The following CCDC18 variants were observed in gnomAD, a reference collection of about 807,000 sequenced individuals.
CCDC18 encodes coiled-coil domain-containing protein 18.
A neutral mutation model predicts 196.0 loss-of-function variants in CCDC18; 157 were observed. That is an observed-to-expected ratio of 0.80 (90% CI 0.70 to 0.91). The LOEUF (loss-of-function observed/expected upper bound fraction) is 0.91. Ranked by LOEUF, CCDC18 falls within the 40% of genes least tolerant of loss-of-function variation. CCDC18 has a pLI of 0.00. For synonymous variants in CCDC18, 482 were observed against 529.2 expected (o/e 0.91, Z 1.22); for missense variants, 1,465 against 1,611.6 (o/e 0.91, Z 1.56).
chr1:93,256,456 G>A lies in CCDC18; in HGVS notation c.3464G>A (p.Arg1155His), dbSNP rs771005543. 6.8e-6 allele frequency: 11 copies of A among 1,613,890 alleles called. No individual in the cohort carries two copies. Among genetic ancestry groups the A allele is most frequent in the Admixed American group, 3.3e-5 (2 of 59,986 alleles). ...TCTCATACAGAATTGGCAGAGGCTC[G>A]TCATCAGCAAGTCCAAGCACAGAGA... ...QNSHTELAEA[R>H]HQQVQAQREI... is the part of the protein sequence containing the mutation. The change falls in exon 25 of 29, where the codon CGT becomes CAT. Residue 1155 changes from arginine (R) to histidine (H), a missense_variant. Transcript: ENST00000690025.
chr1:93,246,199 G>A lies in CCDC18; in HGVS notation c.3076G>A (p.Ala1026Thr), dbSNP rs777931784. The A allele has an allele frequency of 1.3e-6, 2 of 1,594,806 alleles. No individual in the cohort carries two copies. The highest frequency in any genetic ancestry group is 1.7e-5 in the Admixed American group (1 of 57,238). ...AAATTGGGAACTAAAGCAAAGAGCA[G>A]CTCAGGTTGATTTTTCTTGATTATA... The part of the protein sequence containing the change: ...ERNWELKQRA[A>T]QVTHLDMTIR... The change falls in exon 22 of 29, where the codon GCT becomes ACT. Residue 1026 changes from alanine to threonine, a missense_variant. Ala to Thr is a moderately conservative substitution (Grantham distance 58). Coordinates refer to ENST00000690025, the MANE Select transcript of CCDC18 (RefSeq NM_001378204.1).
chr1:93,254,089 CA>C (rs1394315668), intron 23 of CCDC18, among the ~76,000 whole-genome samples: 1 of 151,814 alleles, frequency 6.6e-6, no homozygotes, highest in African/African-American at 2.4e-5. Flanking sequence ...TAAGCTAAAA[CA>C]AAAACAAAAA....
chr1:93,242,333 G>GAGAAA (rs1185112080), intron 21 of CCDC18, among the ~76,000 whole-genome samples: 1 of 151,980 alleles, frequency 6.6e-6, no homozygotes, highest in Admixed American at 6.6e-5. Context: ...TGGCAGACAA[G>GAGAAA]AGAGCTTGCG....
At chr1:93,251,162 T>C (rs1437467117) in intron 23 of CCDC18, among the ~76,000 whole-genome samples, 1 of 152,200 alleles carries the variant, frequency 6.6e-6, no homozygotes, top group African/African-American at 2.4e-5. Context: ...AACATCCTAT[T>C]GTTATAACAA....
intron 21 of CCDC18, among the ~76,000 whole-genome samples, chr1:93,241,350 C>T (rs554980287): frequency 1.1e-4 from 16 of 152,214 alleles, no homozygotes; most frequent in Admixed American, 3.3e-4. Context: ...GCTGTGGCTT[C>T]CTAGCTGGGC....
At chr1:93,214,578 ATTAC>A (rs1190730705) in intron 11 of CCDC18, among the ~76,000 whole-genome samples, 161 bp from the exon 12 acceptor site, 1 of 152,194 alleles carries the variant, frequency 6.6e-6, no homozygotes, top group Non-Finnish European at 1.5e-5. Flanking sequence ...TAGAGAGCAC[ATTAC>A]TTATTCTTTG....
chr1:93,198,582 ACTC>A, intron 6 of CCDC18, among the ~76,000 whole-genome samples: 1 of 152,158 alleles, frequency 6.6e-6, no homozygotes, highest in Non-Finnish European at 1.5e-5. Flanking sequence ...TCTGTACTTT[ACTC>A]AATAAAAAAT....
chr1:93,252,616 T>C (rs1662412827), intron 23 of CCDC18, among the ~76,000 whole-genome samples: 2 of 152,238 alleles, frequency 1.3e-5, no homozygotes, highest in African/African-American at 4.8e-5. Flanking sequence ...TCAGGGTTAC[T>C]CTCTGGTGCC....
chr1:93,210,045 A>T (rs9324347), intron 9 of CCDC18, among the ~76,000 whole-genome samples: 13,579 of 152,208 alleles, frequency 0.089, 1,995 homozygotes, highest in African/African-American at 0.31. Context: ...TGACAGAGTG[A>T]GACCCTGTCT....
chr1:93,258,928 A>C, intron 26 of CCDC18, 43 bp downstream of exon 26: 2 of 1,531,680 alleles, frequency 1.3e-6, no homozygotes, highest in Non-Finnish European at 1.8e-6. Context: ...CCACTAAAGT[A>C]GGTTGACCTA....
chr1:93,183,532 C>T, intron 2 of CCDC18, 37 bp downstream of exon 2: 2 of 1,431,648 alleles, frequency 1.4e-6, no homozygotes, highest in South Asian at 1.5e-5. Flanking sequence ...TTCACTGTGC[C>T]TTAAATACAT....
intron 4 of CCDC18, chr1:93,190,997 T>C: frequency 9.8e-7 from 1 of 1,022,250 alleles, no homozygotes; most frequent in Non-Finnish European, 1.5e-6. Flanking sequence ...TGTGTCACTT[T>C]CTAGGGTTGG....
At chr1:93,184,175 A>G (rs6682670) in intron 3 of CCDC18, 29 bp downstream of exon 3, 825,527 of 1,316,186 alleles carry the variant, frequency 0.63, 266,841 homozygotes, top group South Asian at 0.67. Context: ...ATCTAGTTAA[A>G]AGAAGTTTTG....
intron 23 of CCDC18, among the ~76,000 whole-genome samples, chr1:93,250,265 C>T (rs1162254006): frequency 2.0e-5 from 3 of 151,194 alleles, no homozygotes; most frequent in Non-Finnish European, 2.9e-5. Flanking sequence ...CTTGTACTCC[C>T]AGCTACTTGG....
intron 6 of CCDC18, among the ~76,000 whole-genome samples, chr1:93,201,657 C>A (rs948782526): frequency 7.1e-6 from 1 of 140,236 alleles, no homozygotes; most frequent in Admixed American, 7.5e-5. Context: ...ATATATATTT[C>A]GACATTTATG....
chr1:93,186,248 G>A (rs1461174464), intron 3 of CCDC18, 97 bp from the exon 4 acceptor site: 13 of 1,151,426 alleles, frequency 1.1e-5, no homozygotes, highest in African/African-American at 4.7e-5. Flanking sequence ...GAGCTGCTTC[G>A]TCATTTTGTT....
At chr1:93,208,769 C>T (rs1039685169) in intron 9 of CCDC18, among the ~76,000 whole-genome samples, 9 of 152,042 alleles carry the variant, frequency 5.9e-5, no homozygotes, top group Admixed American at 2.0e-4. Flanking sequence ...CGGATTCAAG[C>T]GATTTTCCTG....
At chr1:93,205,703 T>A in intron 8 of CCDC18, 72 bp downstream of exon 8, 1 of 1,335,810 alleles carries the variant, frequency 7.5e-7, no homozygotes, top group South Asian at 1.3e-5. Context: ...TAAAACACAA[T>A]ATTTTATTGT....
At chr1:93,181,065 T>G (rs1192162097) in intron 1 of CCDC18, among the ~76,000 whole-genome samples, 1 of 151,136 alleles carries the variant, frequency 6.6e-6, no homozygotes, top group African/African-American at 2.4e-5. Flanking sequence ...GCCTGTTACC[T>G]CAGCACTTTG....
Sources: allele counts gnomAD v4.1 joint callset (sites outside exome capture counted in the v4.1 genomes callset), GRCh38; gene constraint gnomAD v4.1.1; transcripts MANE v1.5; gene names NCBI Gene and HGNC (gene_info 2026-07-23, HGNC 2026-07-21).